The following TMCC2 variants were observed in gnomAD, a reference collection of about 807,000 sequenced individuals.
TMCC2 encodes transmembrane and coiled-coil domains protein 2.
A neutral mutation model predicts 49.4 loss-of-function variants in TMCC2; 16 were observed. The ratio of observed to expected loss-of-function variants is 0.32; its 90% CI spans 0.22 to 0.49. The LOEUF is 0.49. Among genes scored for constraint, TMCC2 ranks in the 20% least tolerant of loss-of-function variants. TMCC2 has a pLI of 0.99. For missense variants in TMCC2, 762 were observed against 989.8 expected, an observed-to-expected ratio of 0.77 and a Z score of 3.09; for synonymous variants, 397 against 434.1, an observed-to-expected ratio of 0.91 and a Z score of 1.06.
In TMCC2 at chr1:205,269,557, G is replaced by A; in HGVS notation, c.1355G>A (p.Gly452Glu). The A allele has an allele frequency of 1.2e-6, 2 of 1,613,788 alleles. No homozygotes were observed. Among genetic ancestry groups the A allele is most frequent in the East Asian group, 2.2e-5 (1 of 44,868 alleles). Residue 452 changes from glycine (G) to glutamate (E), a missense_variant, in exon 3 of 5, where the codon GGG becomes GAG. Transcript: ENST00000358024. ...CACCTGAAGGACCCCCTGGAAGATGGGCCCCCTGAGGAGGCAGCCCGGGCA... is the reference window on the plus strand; with the variant it reads ...CACCTGAAGGACCCCCTGGAAGATGAGCCCCCTGAGGAGGCAGCCCGGGCA... ...IAHLKDPLEDGPPEEAARALS... is the reference protein window; with the variant it reads ...IAHLKDPLEDEPPEEAARALS...
rs187671423 is a variant in TMCC2 at position 205,228,916 on chromosome 1, G to A, written c.207+145G>A. 4.7e-4 allele frequency: 668 copies of A among 1,431,588 alleles called. 6 individuals carry two copies. The African/African-American group carries it at 8.3e-3, about 18-fold the overall frequency. 88.7% of individuals were successfully genotyped at this position (1,431,588 alleles called of 1,614,324 possible). On this transcript the variant is annotated intron_variant, in intron 1 of 4. Transcript: ENST00000358024. Reference sequence around the variant, plus strand: ...GAGCGGATGCTTTGCTGGCACCCCAGGGGGGACGTCAGGTACCATTTATGC... The same window carrying A: ...GAGCGGATGCTTTGCTGGCACCCCAAGGGGGACGTCAGGTACCATTTATGC...
At chr1:205,257,958 C>T (rs1660945515) in intron 2 of TMCC2, among the ~76,000 whole-genome samples, 1 of 152,152 alleles carries the variant, frequency 6.6e-6, no homozygotes, top group South Asian at 2.1e-4. Flanking sequence ...TTGTTCTCCA[C>T]AGGGCAGACA....
At chr1:205,266,654 G>T (rs1424165519) in intron 2 of TMCC2, among the ~76,000 whole-genome samples, 1 of 151,460 alleles carries the variant, frequency 6.6e-6, no homozygotes, top group African/African-American at 2.4e-5. Flanking sequence ...TAGCAATACA[G>T]AGTAAATTTG....
intron 2 of TMCC2, among the ~76,000 whole-genome samples, chr1:205,248,286 G>A (rs768657130): frequency 8.5e-5 from 13 of 152,224 alleles, no homozygotes; most frequent in African/African-American, 1.9e-4. Context: ...GCGTGCACCT[G>A]TAGTCCTAGC....
At chr1:205,233,601 C>T (rs983457453) in intron 1 of TMCC2, among the ~76,000 whole-genome samples, 1 of 152,110 alleles carries the variant, frequency 6.6e-6, no homozygotes, top group East Asian at 1.9e-4. Context: ...GAGAAGGGTT[C>T]ATGCAGTCAG....
intron 2 of TMCC2, among the ~76,000 whole-genome samples, chr1:205,250,056 A>G (rs1660606121): frequency 2.0e-5 from 3 of 152,174 alleles, no homozygotes; most frequent in Admixed American, 2.0e-4. Flanking sequence ...CTTGCCTTGT[A>G]GGGGTCCTGT....
intron 1 of TMCC2, among the ~76,000 whole-genome samples, chr1:205,232,934 C>CAAAAAAA (rs35561522): frequency 2.2e-5 from 1 of 45,596 alleles, no homozygotes; most frequent in Non-Finnish European, 3.8e-5. Flanking sequence ...GACCCTATCT[C>CAAAAAAA]AAAAAAAAAA....
chr1:205,228,683 G>A lies in TMCC2; in HGVS notation c.119G>A (p.Gly40Asp), dbSNP rs902466867. 2.5e-6 allele frequency: 4 copies of A among 1,612,770 alleles called. No homozygotes were observed. Among genetic ancestry groups the A allele is most frequent in the African/African-American group, 2.7e-5 (2 of 74,914 alleles). The change falls in exon 1 of 5, where the codon GGT (glycine) becomes GAT (aspartate). Residue 40 changes from glycine to aspartate, a missense_variant. This residue lies in a region of TMCC2 where 322 missense variants were observed against 353.1 expected (regional missense o/e 0.91). Coordinates refer to ENST00000358024, the MANE Select transcript of TMCC2 (RefSeq NM_014858.4). ...GACCTCCGGCCTGGGGAGACCACGG[G>A]TGCTAACTCTGCTGGCGGGCCAACT... is the stretch of plus-strand genomic sequence containing the variant. ...GADLRPGETTGANSAGGPTSD... is the reference protein window; with the variant it reads ...GADLRPGETTDANSAGGPTSD...
intron 2 of TMCC2, chr1:205,268,143 C>T (rs974001817): frequency 1.1e-6 from 1 of 901,448 alleles, no homozygotes; most frequent in Admixed American, 6.2e-5. Context: ...GTGGCGAGGG[C>T]AGGCAGGCAG....
intron 2 of TMCC2, chr1:205,256,232 G>T: frequency 6.6e-7 from 1 of 1,505,012 alleles, no homozygotes. Context: ...CTTTCTGAAC[G>T]ACAGTTCTGC....
intron 1 of TMCC2, chr1:205,229,858 A>G (rs762467211): frequency 1.0e-5 from 10 of 985,440 alleles, no homozygotes; most frequent in Non-Finnish European, 1.2e-5. Flanking sequence ...TTAAAACAGC[A>G]GCTGAGATAA....
In TMCC2 at chr1:205,268,996, G is replaced by T. The variant is rs1207920109; in HGVS notation, c.794G>T (p.Gly265Val). 1 of 1,613,258 alleles carries T rather than the reference G, an allele frequency of 6.2e-7. No individual in the cohort carries two copies. The highest frequency in any genetic ancestry group is 8.5e-7 in the Non-Finnish European group (1 of 1,179,974). The part of the protein sequence containing the change: ...LVALSLPAGH[G>V]DTDGPISLDV... ...GCCCTGAGCCTCCCCGCCGGCCATG[G>T]TGACACCGACGGCCCCATCAGCCTG... is the stretch of plus-strand genomic sequence containing the variant. Residue 265 changes from glycine to valine, a missense_variant, in exon 3 of 5, where the codon GGT (glycine) becomes GTT (valine). Gly to Val is a moderately radical substitution (Grantham distance 109, BLOSUM62 -3). Around this residue, in one of 2 missense-constraint regions of TMCC2, gnomAD observed 440 missense variants for 636.7 expected, o/e 0.69. Coordinates refer to ENST00000358024, the MANE Select transcript of TMCC2 (RefSeq NM_014858.4).
In TMCC2 at chr1:205,228,158, C is replaced by G. The variant is rs1659646345; in HGVS notation, c.-407C>G. 6.6e-6 allele frequency: 1 copy of G among 151,340 alleles called. No homozygotes were observed. Among genetic ancestry groups the G allele is most frequent in the Non-Finnish European group, 1.5e-5 (1 of 68,028 alleles). 9.4% of individuals were successfully genotyped at this position (151,340 alleles called of 1,614,324 possible). A position where few individuals can be genotyped will look rare whatever the true frequency, so the allele number is the denominator to read the frequency against. On this transcript the variant is annotated 5_prime_UTR_variant, in exon 1 of 5. Transcript: ENST00000358024. ...CTGCCCGGCCGGCTGCCCCGCGCCC[C>G]GCCTCGCCCCGCAGCCCGGCCGGCC...
chr1:205,252,463 C>T (rs1030999046), intron 2 of TMCC2, among the ~76,000 whole-genome samples: 4 of 152,202 alleles, frequency 2.6e-5, no homozygotes, highest in African/African-American at 9.7e-5. Context: ...TCCTTCCTCT[C>T]GCATTTCCCT....
chr1:205,241,561 C>G lies in TMCC2; in HGVS notation c.264C>G (p.Phe88Leu). ...SMFGHGLKHL[F>L]HSRRRSRERE... ...TTGGCCACGGTCTGAAGCACCTGTT[C>G]CACAGCCGCCGTCGGTCTCGGGAAA... Residue 88 changes from phenylalanine to leucine, a missense_variant, in exon 2 of 5, where the codon TTC becomes TTG. Physicochemically the swap from Phe to Leu is conservative, Grantham distance 22. Coordinates refer to ENST00000358024, the MANE Select transcript of TMCC2 (RefSeq NM_014858.4). This position sits in a 1 kb window ranked among gnomAD's most constrained non-coding sequence, Gnocchi z 7.3. 1 of 1,613,902 alleles carries G rather than the reference C, an allele frequency of 6.2e-7. No homozygotes were observed. Among genetic ancestry groups the G allele is most frequent in the Non-Finnish European group, 8.5e-7 (1 of 1,180,028 alleles).
At chr1:205,240,068 A>G (rs1660206568) in intron 1 of TMCC2, among the ~76,000 whole-genome samples, 1 of 152,234 alleles carries the variant, frequency 6.6e-6, no homozygotes, top group African/African-American at 2.4e-5. Context: ...CCTCACAGGA[A>G]ATCCTGCTAT....
Position 205,228,783 on chromosome 1 carries a change from CCATCCCCCCGG to C in TMCC2, c.207+15_207+25del. 1 of 1,583,484 alleles carries C rather than the reference CCATCCCCCCGG, an allele frequency of 6.3e-7. No individual in the cohort carries two copies. Among genetic ancestry groups the C allele is most frequent in the Non-Finnish European group, 8.6e-7 (1 of 1,165,338 alleles). On this transcript the variant is annotated intron_variant, in intron 1 of 4. Transcript: ENST00000358024. ...CTCCTGATTTAAAGGTGAGCGCAGA[CCATCCCCCCGG>C]CAAGCCCAGCCCGCGACTTAGCTCT...
At chr1:205,267,917 C>G in intron 2 of TMCC2, 1 of 984,508 alleles carries the variant, frequency 1.0e-6, no homozygotes. Flanking sequence ...TGAGTTACTT[C>G]TGGGGCTTTA....
chr1:205,230,161 A>G, intron 1 of TMCC2: 1 of 985,578 alleles, frequency 1.0e-6, no homozygotes, highest in South Asian at 4.7e-5. Context: ...TCAGGAAGTC[A>G]GAGCGCAGGT....
Sources: gnomAD v4.1 joint callset for allele counts (sites outside exome capture counted in the v4.1 genomes callset) on GRCh38, gnomAD v4.1.1 for gene constraint, gnomAD v4.1.1 regional missense constraint, Gnocchi (gnomAD v3.1) non-coding constraint, MANE v1.5 for transcripts, NCBI Gene and HGNC (gene_info 2026-07-23, HGNC 2026-07-21) for gene names.